Variants in KLHL3 observed in about 807,000 individuals in gnomAD.
KLHL3 encodes the protein kelch like family member 3.
KLHL3 carries 19 observed loss-of-function variants against 70.5 expected under a neutral mutation model. That is an observed-to-expected ratio of 0.27 (90% CI 0.19 to 0.40). The LOEUF (loss-of-function observed/expected upper bound fraction) is 0.40. KLHL3 is among the 10% of genes least tolerant of loss of function. KLHL3 has a pLI of 1.00. For synonymous variants in KLHL3, 258 were observed against 290.3 expected, an observed-to-expected ratio of 0.89 and a Z score of 1.13; for missense variants, 512 against 771.1, an observed-to-expected ratio of 0.66 and a Z score of 3.98.
At chr5:137,670,883 G>A (rs1310249373) in intron 6 of KLHL3, among the ~76,000 whole-genome samples, 1 of 150,136 alleles carries the variant, frequency 6.7e-6, no homozygotes, top group Non-Finnish European at 1.5e-5. Context: ...TGAGGCAGGA[G>A]AAACGCTTGA....
chr5:137,649,666 A>G (rs893307236), intron 8 of KLHL3, among the ~76,000 whole-genome samples: 5 of 152,268 alleles, frequency 3.3e-5, no homozygotes, highest in Non-Finnish European at 7.3e-5. Context: ...CTAATGCATA[A>G]TAAGTGGGTG....
At chr5:137,661,277 A>G (rs1177872236) in intron 7 of KLHL3, 1 of 152,198 alleles carries the variant, frequency 6.6e-6, no homozygotes, top group Non-Finnish European at 1.5e-5. Flanking sequence ...CTACATGTGT[A>G]AAAAAAGGAG....
Position 137,662,012 on chromosome 5 carries a change from G to A in KLHL3, c.656C>T (p.Ser219Leu). ...GGTTTCTTTCTCATAATTGATCCAT[G>A]AGATCACAGCTTCAAACACCTATAA... is the stretch of plus-strand genomic sequence containing the variant. ...SEEKVFEAVISWINYEKETRL... is the reference protein window; with the variant it reads ...SEEKVFEAVILWINYEKETRL... Residue 219 changes from serine to leucine, a missense_variant, in exon 7 of 15, where the codon TCA becomes TTA. Coordinates refer to ENST00000309755, the MANE Select transcript of KLHL3 (RefSeq NM_017415.3). 1 of 1,607,696 alleles carries A rather than the reference G, an allele frequency of 6.2e-7. No homozygotes were observed. Among genetic ancestry groups the A allele is most frequent in the Non-Finnish European group, 8.5e-7 (1 of 1,175,724 alleles).
At chr5:137,648,840 G>A (rs534113676) in intron 8 of KLHL3, among the ~76,000 whole-genome samples, 18 of 152,262 alleles carry the variant, frequency 1.2e-4, no homozygotes, top group Middle Eastern at 6.8e-3. Context: ...AAGCCTATCT[G>A]GACTGAATTT....
chr5:137,720,025 G>C (rs1029715401), intron 2 of KLHL3, among the ~76,000 whole-genome samples: 1 of 152,168 alleles, frequency 6.6e-6, no homozygotes, highest in Non-Finnish European at 1.5e-5. Context: ...AAACCTGCCG[G>C]GCGCGGTGGC....
chr5:137,673,315 C>T (rs980527283), intron 6 of KLHL3, among the ~76,000 whole-genome samples: 8 of 152,166 alleles, frequency 5.3e-5, no homozygotes, highest in African/African-American at 1.4e-4. Flanking sequence ...CAGCCCTGTA[C>T]GTAAGTGCCC....
intron 6 of KLHL3, among the ~76,000 whole-genome samples, chr5:137,676,799 C>T (rs1041611038): frequency 6.6e-6 from 1 of 152,212 alleles, no homozygotes; most frequent in African/African-American, 2.4e-5. Context: ...CTGGCCAACA[C>T]TGAAGCTTAT....
chr5:137,622,741 T>C (rs371638990), intron 14 of KLHL3, among the ~76,000 whole-genome samples: 8 of 152,260 alleles, frequency 5.3e-5, no homozygotes, highest in Non-Finnish European at 1.2e-4. Flanking sequence ...GCTATGTTAC[T>C]GTTTTAGTCC....
At chr5:137,695,589 T>C (rs1752428010) in intron 4 of KLHL3, among the ~76,000 whole-genome samples, 1 of 152,162 alleles carries the variant, frequency 6.6e-6, no homozygotes. Context: ...TCCAATGGGG[T>C]TCTGGGATCT....
Position 137,618,822 on chromosome 5 carries a change from G to T in KLHL3, c.*3276C>A, listed in dbSNP as rs1561577027. The T allele has an allele frequency of 6.9e-6, 1 of 145,714 alleles. No homozygotes were observed. Among genetic ancestry groups the T allele is most frequent in the Non-Finnish European group, 1.5e-5 (1 of 67,028 alleles). The allele number at this position is 145,714 out of a possible 1,614,324, so 9.0% of individuals were successfully genotyped here. On this transcript the variant is annotated 3_prime_UTR_variant, in exon 15 of 15. Coordinates refer to ENST00000309755, the MANE Select transcript of KLHL3 (RefSeq NM_017415.3). ...AAGTGCTGAGTCGAACATAACATCA[G>T]TCCCTAGCAATTCAAGAAACACCAG...
Position 137,735,792 on chromosome 5 carries a change from T to A in KLHL3, c.-146A>T. On this transcript the variant is annotated 5_prime_UTR_variant, in exon 1 of 15. Transcript: ENST00000309755. ...TGGCTGCAAGTGAAGCCTCCTCCCTTCTCAATCCTCCTTCCTCTGACTTAC... is the reference window on the plus strand; with the variant it reads ...TGGCTGCAAGTGAAGCCTCCTCCCTACTCAATCCTCCTTCCTCTGACTTAC... 1 of 1,047,678 alleles carries A rather than the reference T, an allele frequency of 9.5e-7. No individual in the cohort carries two copies. The highest frequency in any genetic ancestry group is 1.5e-6 in the Non-Finnish European group (1 of 672,836). 64.9% of individuals were successfully genotyped at this position (1,047,678 alleles called of 1,614,324 possible). A position where few individuals can be genotyped will look rare whatever the true frequency, so the allele number is the denominator to read the frequency against.
At chr5:137,622,662 C>T (rs1176609552) in intron 14 of KLHL3, among the ~76,000 whole-genome samples, 6 of 152,252 alleles carry the variant, frequency 3.9e-5, no homozygotes, top group Non-Finnish European at 5.9e-5. Context: ...TCAGTTCCCA[C>T]ACAAATGTCA....
At position 137,692,819 on chromosome 5, in the gene KLHL3, TACACACAC is replaced by T. The variant is rs3045645; in HGVS notation, c.364-380_364-373del. The T allele has an allele frequency of 1.6e-3, 261 of 168,278 alleles. 5 individuals carry two copies. In the Middle Eastern group the frequency reaches 0.02, roughly 13 times the overall value. The allele number at this position is 168,278 out of a possible 1,614,324, so 10.4% of individuals were successfully genotyped here. On this transcript the variant is annotated intron_variant, in intron 4 of 14. Coordinates refer to ENST00000309755, the MANE Select transcript of KLHL3 (RefSeq NM_017415.3). ...AACCACACTTTGAGTAACAAAACTC[TACACACAC>T]ACACACACACACACACACACACACA...
At chr5:137,657,938 T>G (rs1478171334) in intron 8 of KLHL3, among the ~76,000 whole-genome samples, 193 bp downstream of exon 8, 1 of 152,132 alleles carries the variant, frequency 6.6e-6, no homozygotes, top group Non-Finnish European at 1.5e-5. Context: ...CTTGAAACTC[T>G]TAGGAAAGGA....
At chr5:137,656,919 C>A (rs1366648182) in intron 8 of KLHL3, among the ~76,000 whole-genome samples, 1 of 152,202 alleles carries the variant, frequency 6.6e-6, no homozygotes, top group East Asian at 1.9e-4. Context: ...ACTCAGTTTC[C>A]TCCTTTATAA....
intron 8 of KLHL3, 101 bp downstream of exon 8, chr5:137,658,030 G>T: frequency 8.5e-7 from 1 of 1,181,288 alleles, no homozygotes; most frequent in Non-Finnish European, 1.2e-6. Flanking sequence ...CAACCAAGAT[G>T]CAGGGCAGCC....
intron 3 of KLHL3, chr5:137,707,750 C>T (rs1752713150): frequency 1.9e-5 from 3 of 154,298 alleles, no homozygotes; most frequent in Non-Finnish European, 4.4e-5. Flanking sequence ...CCCGTCCCTT[C>T]CATTCCTAGA....
intron 3 of KLHL3, chr5:137,705,889 CATTT>C: frequency 2.2e-6 from 1 of 454,462 alleles, no homozygotes; most frequent in Non-Finnish European, 2.9e-6. Flanking sequence ...GAGTCCTAGA[CATTT>C]CATCTTTATA....
chr5:137,650,379 C>A (rs917501182), intron 8 of KLHL3, among the ~76,000 whole-genome samples: 2 of 152,202 alleles, frequency 1.3e-5, no homozygotes, highest in Non-Finnish European at 2.9e-5. Context: ...TTGCAATTGT[C>A]CTTTCACAAC....
Sources: allele counts gnomAD v4.1 joint callset (sites outside exome capture counted in the v4.1 genomes callset), GRCh38; gene constraint gnomAD v4.1.1; transcripts MANE v1.5; gene names NCBI Gene and HGNC (gene_info 2026-07-23, HGNC 2026-07-21).